Variants in COLEC12 observed in about 807,000 individuals in gnomAD.
COLEC12 encodes the protein collectin subfamily member 12.
Under a neutral mutation model 71.1 loss-of-function variants are expected in COLEC12, and 33 were observed. That is an observed-to-expected ratio of 0.46 (90% CI 0.35 to 0.62). COLEC12 has a LOEUF of 0.62. Among genes scored for constraint, COLEC12 ranks in the 20% least tolerant of loss-of-function variants. The probability of loss-of-function intolerance (pLI) is 0.00; values close to 1 mark genes in which losing one functional copy is unlikely to be tolerated. For synonymous variants in COLEC12, 350 were observed against 353.0 expected (o/e 0.99, Z 0.10); for missense variants, 765 against 916.1 (o/e 0.84, Z 2.13).
intron 2 of COLEC12, among the ~76,000 whole-genome samples, chr18:393,590 T>C (rs879185807): frequency 1.3e-5 from 2 of 152,218 alleles, no homozygotes; most frequent in Admixed American, 1.3e-4. Context: ...ACTTTCATGT[T>C]GCCCTGCGTC....
chr18:417,805 T>C (rs1292667852), intron 2 of COLEC12, among the ~76,000 whole-genome samples: 1 of 152,186 alleles, frequency 6.6e-6, no homozygotes, highest in Non-Finnish European at 1.5e-5. Context: ...CAGTATTAGT[T>C]CTCCCTGGAG....
intron 8 of COLEC12, among the ~76,000 whole-genome samples, chr18:325,413 C>T (rs1913812083): frequency 6.6e-6 from 1 of 151,930 alleles, no homozygotes; most frequent in Non-Finnish European, 1.5e-5. Context: ...ACTGTCACAT[C>T]TCTGGTGATC....
chr18:457,109 A>C (rs1916888578), intron 2 of COLEC12, among the ~76,000 whole-genome samples: 1 of 152,280 alleles, frequency 6.6e-6, no homozygotes, highest in South Asian at 2.1e-4. Context: ...CCTCTTAATT[A>C]ATCTTAATTA....
chr18:426,166 A>G (rs918622557), intron 2 of COLEC12, among the ~76,000 whole-genome samples: 11 of 152,224 alleles, frequency 7.2e-5, no homozygotes, highest in Admixed American at 6.5e-5. Flanking sequence ...CATGGCTTCT[A>G]TGGCACTTTT....
At chr18:479,573 C>T (rs1302977590) in intron 2 of COLEC12, among the ~76,000 whole-genome samples, 1 of 151,846 alleles carries the variant, frequency 6.6e-6, no homozygotes, top group Non-Finnish European at 1.5e-5. Context: ...GAAACGCACA[C>T]ACACACTCAC....
chr18:334,969 C>T lies in COLEC12; in HGVS notation c.1589G>A (p.Gly530Asp), dbSNP rs1914079882. 6.4e-7 allele frequency: 1 copy of T among 1,561,682 alleles called. No individual in the cohort carries two copies. Among genetic ancestry groups the T allele is most frequent in the Non-Finnish European group, 8.6e-7 (1 of 1,158,400 alleles). ...QGSSGDPGPP[G>D]PPGKEGLPGP... ...GGGGAGTCCCTCTTTGCCTGGTGGG[C>T]CCGGGGGGCCTGGGTCCCCACTGGA... The change falls in exon 6 of 10, where the codon GGC becomes GAC. Residue 530 changes from glycine (G) to aspartate (D), a missense_variant. Coordinates refer to ENST00000400256, the MANE Select transcript of COLEC12 (RefSeq NM_130386.3).
intron 2 of COLEC12, among the ~76,000 whole-genome samples, chr18:358,554 C>G (rs1914676809): frequency 6.6e-6 from 1 of 152,160 alleles, no homozygotes; most frequent in South Asian, 2.1e-4. Flanking sequence ...CTTTGAGAAT[C>G]TAATGCTGCC....
chr18:430,219 A>G (rs187789282), intron 2 of COLEC12, among the ~76,000 whole-genome samples: 54 of 152,192 alleles, frequency 3.5e-4, no homozygotes, highest in Admixed American at 2.2e-3. Context: ...CTGTAGTCCC[A>G]GCTACTCGGG....
At chr18:413,183 C>T (rs984374820) in intron 2 of COLEC12, among the ~76,000 whole-genome samples, 1 of 152,056 alleles carries the variant, frequency 6.6e-6, no homozygotes, top group Middle Eastern at 3.2e-3. Context: ...TGAATATGGG[C>T]AGAAGACATG....
At chr18:418,215 T>TAATG (rs1442014433) in intron 2 of COLEC12, among the ~76,000 whole-genome samples, 3 of 152,310 alleles carry the variant, frequency 2.0e-5, no homozygotes, top group Non-Finnish European at 4.4e-5. Flanking sequence ...GCAAAGTAGA[T>TAATG]AATGGGTATG....
chr18:492,013 A>G (rs995400268), intron 1 of COLEC12, among the ~76,000 whole-genome samples: 12 of 152,148 alleles, frequency 7.9e-5, no homozygotes, highest in African/African-American at 2.4e-4. Flanking sequence ...GAGGTTCAGG[A>G]TATTTTGTAG....
chr18:490,481 G>A (rs1917600613), intron 1 of COLEC12, among the ~76,000 whole-genome samples: 1 of 152,172 alleles, frequency 6.6e-6, no homozygotes, highest in Non-Finnish European at 1.5e-5. Flanking sequence ...AATGAAGGTG[G>A]CCTGGGTAGG....
chr18:495,104 T>C (rs1917685550), intron 1 of COLEC12, among the ~76,000 whole-genome samples: 1 of 152,188 alleles, frequency 6.6e-6, no homozygotes, highest in Non-Finnish European at 1.5e-5. Context: ...TGCTGTATAA[T>C]TACAAAACAC....
intron 2 of COLEC12, among the ~76,000 whole-genome samples, chr18:372,607 G>C (rs1598342611): frequency 6.6e-6 from 1 of 152,016 alleles, no homozygotes. Flanking sequence ...TTGTAGAAAT[G>C]GGGTTTCACC....
At chr18:443,461 C>T (rs1196234562) in intron 2 of COLEC12, among the ~76,000 whole-genome samples, 1 of 152,158 alleles carries the variant, frequency 6.6e-6, no homozygotes. Flanking sequence ...CTTCTTTGGC[C>T]TTCTATTTAA....
intron 3 of COLEC12, among the ~76,000 whole-genome samples, chr18:353,962 G>C (rs1310967896): frequency 6.6e-6 from 1 of 152,220 alleles, no homozygotes; most frequent in Non-Finnish European, 1.5e-5. Context: ...CACTGACCCA[G>C]CTTAGCAGCA....
chr18:479,808 G>C (rs1598378548), intron 2 of COLEC12, among the ~76,000 whole-genome samples: 1 of 151,756 alleles, frequency 6.6e-6, no homozygotes, highest in East Asian at 2.0e-4. Context: ...TGCTGTAAAA[G>C]GTTACCACGA....
intron 2 of COLEC12, among the ~76,000 whole-genome samples, chr18:359,110 T>C (rs957925716): frequency 1.3e-5 from 2 of 152,202 alleles, no homozygotes; most frequent in Admixed American, 6.5e-5. Flanking sequence ...AAAATCCTAT[T>C]GATTGGTCCC....
At chr18:391,306 G>A (rs1436012469) in intron 2 of COLEC12, among the ~76,000 whole-genome samples, 1 of 152,186 alleles carries the variant, frequency 6.6e-6, no homozygotes, top group East Asian at 1.9e-4. Flanking sequence ...GTGGTACTGT[G>A]TGTGCGCAAA....
Sources: allele counts gnomAD v4.1 joint callset (sites outside exome capture counted in the v4.1 genomes callset), GRCh38; gene constraint gnomAD v4.1.1; transcripts MANE v1.5; gene names NCBI Gene and HGNC (gene_info 2026-07-23, HGNC 2026-07-21).